The following ADAMTSL3 variants were observed in gnomAD, a reference collection of about 807,000 sequenced individuals.
ADAMTSL3 encodes ADAMTS like 3, also known as ADAMTS-like protein 3.
ADAMTSL3 carries 128 observed loss-of-function variants against 201.7 expected under a neutral mutation model. That is an observed-to-expected ratio of 0.63 (90% confidence interval 0.55 to 0.73). The LOEUF is 0.73. Among genes scored for constraint, ADAMTSL3 ranks in the 30% least tolerant of loss-of-function variants. The pLI is 0.00. For missense variants in ADAMTSL3, 1,990 were observed against 2,119.6 expected, an observed-to-expected ratio of 0.94 and a Z score of 1.20; for synonymous variants, 738 against 748.4, an observed-to-expected ratio of 0.99 and a Z score of 0.23.
At chr15:83,885,590 G>T (rs2065372334) in intron 10 of ADAMTSL3, among the ~76,000 whole-genome samples, 1 of 152,038 alleles carries the variant, frequency 6.6e-6, no homozygotes, top group Non-Finnish European at 1.5e-5. Context: ...GCCCAGCCTG[G>T]TTGAGTCAAT....
At chr15:83,835,942 C>T (rs1325064083) in intron 6 of ADAMTSL3, among the ~76,000 whole-genome samples, 1 of 152,108 alleles carries the variant, frequency 6.6e-6, no homozygotes, top group Non-Finnish European at 1.5e-5. Context: ...GTAATATTGG[C>T]AAATCATTTA....
At chr15:83,690,055 A>G (rs1596031107) in intron 2 of ADAMTSL3, among the ~76,000 whole-genome samples, 1 of 152,122 alleles carries the variant, frequency 6.6e-6, no homozygotes, top group Middle Eastern at 3.2e-3. Context: ...ACTTGTCCCA[A>G]TATTTCAAAT....
At chr15:83,763,054 T>G (rs2062833442) in intron 3 of ADAMTSL3, among the ~76,000 whole-genome samples, 2 of 152,096 alleles carry the variant, frequency 1.3e-5, no homozygotes, top group South Asian at 4.1e-4. Flanking sequence ...ACTTGACTAA[T>G]TTTTGTATTT....
At chr15:83,910,605 T>C (rs911879455) in intron 15 of ADAMTSL3, among the ~76,000 whole-genome samples, 3 of 151,006 alleles carry the variant, frequency 2.0e-5, no homozygotes, top group Non-Finnish European at 4.4e-5. Context: ...AGTATAACCA[T>C]TATTTGCCCT....
intron 4 of ADAMTSL3, among the ~76,000 whole-genome samples, chr15:83,786,027 A>G (rs1328059599): frequency 6.6e-6 from 1 of 152,014 alleles, no homozygotes; most frequent in Non-Finnish European, 1.5e-5. Context: ...TTTTTAGTAG[A>G]GATGGGGTTT....
chr15:83,787,399 G>T (rs2063281772), intron 4 of ADAMTSL3, among the ~76,000 whole-genome samples: 1 of 151,994 alleles, frequency 6.6e-6, no homozygotes, highest in African/African-American at 2.4e-5. Flanking sequence ...GTATTTCTGG[G>T]TTGATAAAAA....
chr15:83,770,081 G>C (rs910778462), intron 3 of ADAMTSL3, among the ~76,000 whole-genome samples: 2 of 152,050 alleles, frequency 1.3e-5, no homozygotes, highest in African/African-American at 4.8e-5. Context: ...ACAAAAATAC[G>C]TTAAAGTCAC....
intron 23 of ADAMTSL3, among the ~76,000 whole-genome samples, chr15:84,006,521 G>C (rs2067897712): frequency 6.6e-6 from 1 of 152,192 alleles, no homozygotes; most frequent in South Asian, 2.1e-4. Flanking sequence ...ACACCCCCGA[G>C]GTGCAAACTT....
chr15:83,684,514 T>C (rs1038182836), intron 2 of ADAMTSL3, among the ~76,000 whole-genome samples: 4 of 152,034 alleles, frequency 2.6e-5, no homozygotes, highest in African/African-American at 9.7e-5. Context: ...TAGTGTGCTA[T>C]AGTTGTGCCT....
At chr15:83,744,677 C>T (rs1010696340) in intron 3 of ADAMTSL3, among the ~76,000 whole-genome samples, 3 of 152,174 alleles carry the variant, frequency 2.0e-5, no homozygotes, top group Middle Eastern at 3.4e-3. Flanking sequence ...TGTGTTGTAC[C>T]GTAGAGCTCT....
intron 7 of ADAMTSL3, among the ~76,000 whole-genome samples, chr15:83,852,059 A>T (rs1041246547): frequency 1.3e-5 from 2 of 152,078 alleles, no homozygotes; most frequent in Non-Finnish European, 2.9e-5. Flanking sequence ...AAACTTTTTT[A>T]CAATTTCTTT....
chr15:83,723,062 A>G (rs537726094), intron 3 of ADAMTSL3, among the ~76,000 whole-genome samples: 4 of 152,348 alleles, frequency 2.6e-5, no homozygotes, highest in African/African-American at 9.6e-5. Flanking sequence ...GATAACATGT[A>G]ATACAAATTT....
chr15:83,705,950 G>A (rs1305998547), intron 3 of ADAMTSL3, among the ~76,000 whole-genome samples: 1 of 152,088 alleles, frequency 6.6e-6, no homozygotes, highest in Non-Finnish European at 1.5e-5. Flanking sequence ...ATTGTGGGGA[G>A]CAGGGGTGGG....
At chr15:83,764,646 G>A (rs2062862840) in intron 3 of ADAMTSL3, among the ~76,000 whole-genome samples, 2 of 152,072 alleles carry the variant, frequency 1.3e-5, no homozygotes, top group African/African-American at 4.8e-5. Context: ...GCCCCATCTA[G>A]CGTGCAGGGC....
chr15:83,851,427 T>G (rs1264772969), intron 7 of ADAMTSL3, among the ~76,000 whole-genome samples: 1 of 152,128 alleles, frequency 6.6e-6, no homozygotes, highest in Non-Finnish European at 1.5e-5. Context: ...AATGGGACAA[T>G]GGTTGGAATA....
chr15:83,659,489 G>A (rs1378730843), intron 2 of ADAMTSL3, among the ~76,000 whole-genome samples: 4 of 152,182 alleles, frequency 2.6e-5, no homozygotes, highest in Admixed American at 6.5e-5. Context: ...TTGAGGTAGG[G>A]TGGGAATGGA....
At chr15:83,960,526 T>A (rs996196894) in intron 19 of ADAMTSL3, among the ~76,000 whole-genome samples, 1 of 152,066 alleles carries the variant, frequency 6.6e-6, no homozygotes, top group Non-Finnish European at 1.5e-5. Context: ...AAACTGAGGA[T>A]GTCCCTTGCA....
chr15:83,877,661 C>A (rs28578450), intron 9 of ADAMTSL3, among the ~76,000 whole-genome samples: 42,532 of 151,940 alleles, frequency 0.28, 6,653 homozygotes, highest in Admixed American at 0.43. Context: ...TGCATTGGAT[C>A]TGTATGTCAA....
intron 14 of ADAMTSL3, among the ~76,000 whole-genome samples, chr15:83,898,850 A>T (rs964350691): frequency 3.3e-5 from 5 of 152,226 alleles, no homozygotes; most frequent in African/African-American, 4.8e-5. Flanking sequence ...TCATACAAAT[A>T]GCCTCATAAT....
Sources: allele counts gnomAD v4.1 joint callset (sites outside exome capture counted in the v4.1 genomes callset), GRCh38; gene constraint gnomAD v4.1.1; transcripts MANE v1.5; gene names NCBI Gene and HGNC (gene_info 2026-07-23, HGNC 2026-07-21).